The following INPP4B variants were observed in gnomAD, a reference collection of about 807,000 sequenced individuals.
The protein encoded by INPP4B is inositol polyphosphate 4-phosphatase type II.
A neutral mutation model predicts 122.5 loss-of-function variants in INPP4B; 55 were observed. The observed-to-expected ratio is 0.45, with a 90% CI of 0.36 to 0.56. INPP4B has a LOEUF of 0.56. INPP4B is among the 20% of genes least tolerant of loss of function. The pLI, the probability that INPP4B is intolerant of heterozygous loss-of-function variation, is 0.00. For missense variants in INPP4B, 1,000 were observed against 1,097.7 expected, an observed-to-expected ratio of 0.91 and a Z score of 1.26; for synonymous variants, 403 against 388.7, an observed-to-expected ratio of 1.04 and a Z score of -0.43.
intron 2 of INPP4B, among the ~76,000 whole-genome samples, chr4:142,681,609 AG>A (rs564589028): frequency 2.1e-3 from 315 of 151,984 alleles, no homozygotes; most frequent in African/African-American, 7.0e-3. Context: ...AGAGTGACAG[AG>A]GAAGGGAAGA....
At chr4:142,376,382 C>T (rs560619578) in intron 7 of INPP4B, among the ~76,000 whole-genome samples, 1 of 152,044 alleles carries the variant, frequency 6.6e-6, no homozygotes, top group Admixed American at 6.6e-5. Flanking sequence ...ACCCAGCTAA[C>T]CTAAAACAGG....
chr4:142,259,112 C>G (rs1738169245), intron 11 of INPP4B, among the ~76,000 whole-genome samples: 1 of 148,818 alleles, frequency 6.7e-6, no homozygotes, highest in South Asian at 2.1e-4. Context: ...GAGCAAAAAA[C>G]CAAACACCGC....
rs1561079297 is a variant in INPP4B at position 142,796,867 on chromosome 4, G to GGTGT, written c.-254+49341_-254+49342insACAC. On this transcript the variant is annotated intron_variant, in intron 1 of 25. Coordinates refer to ENST00000262992, the MANE Select transcript of INPP4B (RefSeq NM_001101669.3). ...TTCACAGAAACTGATGCGGAAAACA[G>GGTGT]ATGTGTGTGTGTGTGTGTGTGTGTG... 9.8e-4 allele frequency among the ~76,000 whole-genome samples: 126 copies of GGTGT among 128,854 alleles called. 1 individual carries two copies. The highest frequency in any genetic ancestry group is 4.0e-3 in the Middle Eastern group (1 of 250). 84.5% of individuals were successfully genotyped at this position (128,854 alleles called of 152,430 possible).
At chr4:142,322,017 T>C (rs1770264567) in intron 7 of INPP4B, among the ~76,000 whole-genome samples, 1 of 152,194 alleles carries the variant, frequency 6.6e-6, no homozygotes, top group South Asian at 2.1e-4. Flanking sequence ...ATTCAGCCAC[T>C]ATTATAAGCA....
chr4:142,796,868 ATGTG>A (rs34860975), intron 1 of INPP4B, among the ~76,000 whole-genome samples: 10,873 of 105,186 alleles, frequency 0.1, 682 homozygotes, highest in Admixed American at 0.27. Context: ...CGGAAAACAG[ATGTG>A]TGTGTGTGTG....
At chr4:142,347,246 A>G (rs1780580194) in intron 7 of INPP4B, 1 of 157,940 alleles carries the variant, frequency 6.3e-6, no homozygotes, top group African/African-American at 2.4e-5. Context: ...TTAAACATCT[A>G]TTGAATATTT....
intron 7 of INPP4B, among the ~76,000 whole-genome samples, chr4:142,315,937 G>A (rs115294304): frequency 1.8e-4 from 28 of 151,624 alleles, no homozygotes; most frequent in Non-Finnish European, 3.4e-4. Context: ...ACCATACCAG[G>A]TCAATCCTCC....
chr4:142,049,414 A>G (rs926482632), intron 25 of INPP4B, among the ~76,000 whole-genome samples: 19 of 152,086 alleles, frequency 1.2e-4, no homozygotes, highest in African/African-American at 4.1e-4. Context: ...GAAACATAAT[A>G]AAGAAAATTT....
intron 4 of INPP4B, 108 bp downstream of exon 4, chr4:142,431,061 G>T: frequency 1.3e-6 from 1 of 763,440 alleles, no homozygotes; most frequent in South Asian, 1.7e-5. Context: ...CCATTTATTA[G>T]AACCGAAGTT....
intron 11 of INPP4B, among the ~76,000 whole-genome samples, chr4:142,251,967 C>T (rs959866668): frequency 2.0e-5 from 3 of 152,128 alleles, no homozygotes; most frequent in African/African-American, 7.2e-5. Context: ...TTGATTAATG[C>T]CTTCTTAGTA....
intron 15 of INPP4B, among the ~76,000 whole-genome samples, chr4:142,174,272 A>G (rs1826967404): frequency 6.6e-6 from 1 of 152,120 alleles, no homozygotes; most frequent in Non-Finnish European, 1.5e-5. Flanking sequence ...CCTCATCAGG[A>G]AAGTGGGAAT....
intron 2 of INPP4B, among the ~76,000 whole-genome samples, chr4:142,550,141 C>G (rs1727624618): frequency 6.6e-6 from 1 of 152,104 alleles, no homozygotes. Context: ...TTAAAACAGT[C>G]AAGTATTAGA....
chr4:142,782,515 G>A (rs1417092232), intron 1 of INPP4B, among the ~76,000 whole-genome samples: 1 of 151,800 alleles, frequency 6.6e-6, no homozygotes, highest in East Asian at 1.9e-4. Context: ...GGATGGCTGG[G>A]TCAAATGGTA....
chr4:142,713,717 C>G (rs996140483), intron 2 of INPP4B, among the ~76,000 whole-genome samples: 8 of 152,180 alleles, frequency 5.3e-5, no homozygotes, highest in Admixed American at 3.9e-4. Flanking sequence ...GGTTGTCCAC[C>G]CTTGAGTGTC....
chr4:142,397,202 A>T (rs1799630859), intron 7 of INPP4B, among the ~76,000 whole-genome samples: 1 of 152,212 alleles, frequency 6.6e-6, no homozygotes, highest in Non-Finnish European at 1.5e-5. Flanking sequence ...AGACATCTGT[A>T]ACTCCCTTTG....
intron 1 of INPP4B, among the ~76,000 whole-genome samples, chr4:142,813,092 AT>A (rs914556177): frequency 5.9e-5 from 9 of 152,134 alleles, no homozygotes; most frequent in African/African-American, 2.2e-4. Context: ...TATAGAAGGA[AT>A]TTCTTCCACT....
chr4:142,094,406 G>A (rs1197731996), intron 23 of INPP4B, among the ~76,000 whole-genome samples: 4 of 152,148 alleles, frequency 2.6e-5, no homozygotes, highest in African/African-American at 9.7e-5. Context: ...TTACCCCAAT[G>A]ATAGCCCTAG....
intron 1 of INPP4B, among the ~76,000 whole-genome samples, chr4:142,797,202 C>T (rs1414542241): frequency 6.6e-6 from 1 of 151,850 alleles, no homozygotes; most frequent in Non-Finnish European, 1.5e-5. Context: ...ATAGAGAGCT[C>T]TAGATTCAGA....
At chr4:142,446,537 T>G (rs1812947777) in intron 3 of INPP4B, among the ~76,000 whole-genome samples, 2 of 152,172 alleles carry the variant, frequency 1.3e-5, no homozygotes, top group Non-Finnish European at 2.9e-5. Context: ...AGATAAACTC[T>G]TACAAATGCA....
Sources: gnomAD v4.1 joint callset for allele counts (sites outside exome capture counted in the v4.1 genomes callset) on GRCh38, gnomAD v4.1.1 for gene constraint, MANE v1.5 for transcripts, NCBI Gene and HGNC (gene_info 2026-07-23, HGNC 2026-07-21) for gene names.